The following SCAF4 variants were observed in gnomAD, a reference collection of about 807,000 sequenced individuals.
The protein encoded by SCAF4 is SR-related and CTD-associated factor 4.
In SCAF4, 25 loss-of-function variants were observed where a neutral mutation model predicts 129.8. The observed-to-expected ratio is 0.19, with a 90% CI of 0.14 to 0.27. The LOEUF (loss-of-function observed/expected upper bound fraction) is 0.27. Ranked by LOEUF, SCAF4 falls within the 10% of genes least tolerant of loss-of-function variation. The probability of loss-of-function intolerance (pLI) is 1.00; values close to 1 mark genes in which losing one functional copy is unlikely to be tolerated. For missense variants in SCAF4, 1,246 were observed against 1,457.1 expected (o/e 0.86, Z 2.36); for synonymous variants, 551 against 497.7 (o/e 1.11, Z -1.43).
chr21:31,706,211 A>G, intron 2 of SCAF4, 63 bp downstream of exon 2: 1 of 1,114,012 alleles, frequency 9.0e-7, no homozygotes, highest in Non-Finnish European at 1.3e-6. Flanking sequence ...TCTCATGTTT[A>G]AAAGTAATAA....
intron 14 of SCAF4, 23 bp from the exon 15 acceptor site, chr21:31,690,976 A>G: frequency 1.9e-6 from 3 of 1,588,750 alleles, no homozygotes; most frequent in South Asian, 1.1e-5. Context: ...TAGTGAAAAT[A>G]TAAAAAGAAA....
intron 14 of SCAF4, among the ~76,000 whole-genome samples, chr21:31,691,579 A>G (rs2050260606): frequency 6.6e-6 from 1 of 152,024 alleles, no homozygotes; most frequent in South Asian, 2.1e-4. Context: ...ACCCATCTAC[A>G]TTTAGGAAAA....
At chr21:31,675,201 A>G (rs58100536) in intron 19 of SCAF4, among the ~76,000 whole-genome samples, 5 of 152,336 alleles carry the variant, frequency 3.3e-5, no homozygotes, top group African/African-American at 1.2e-4. Context: ...AGCTAAAGAG[A>G]TAAGTCAGGG....
At position 31,671,725 on chromosome 21, in the gene SCAF4, G is replaced by A. The variant is rs202128594; in HGVS notation, c.3118C>T (p.Arg1040Trp). 31 of 1,613,932 alleles carry A rather than the reference G, an allele frequency of 1.9e-5. No individual in the cohort carries two copies. The highest frequency in any genetic ancestry group is 3.3e-5 in the South Asian group (3 of 91,076). Residue 1040 changes from arginine to tryptophan, a missense_variant, in exon 20 of 20, where the codon CGG becomes TGG. Around this residue, in one of 6 missense-constraint regions of SCAF4, gnomAD observed 339 missense variants for 325.0 expected, o/e 1.04. Coordinates refer to ENST00000286835, the MANE Select transcript of SCAF4 (RefSeq NM_020706.2). ...RREWGRRSPD[R>W]DRHRDLEERN... ...TCTTCCAAGTCTCTGTGCCTGTCCC[G>A]GTCAGGGCTCCTCCTTCCCCACTCT...
intron 1 of SCAF4, among the ~76,000 whole-genome samples, chr21:31,729,610 G>A (rs767797781): frequency 6.6e-6 from 1 of 152,150 alleles, no homozygotes; most frequent in South Asian, 2.1e-4. Flanking sequence ...AGAAATAGTT[G>A]AGAAGCACTA....
intron 9 of SCAF4, 80 bp from the exon 10 acceptor site, chr21:31,695,060 T>C: frequency 1.8e-6 from 2 of 1,140,996 alleles, no homozygotes; most frequent in Non-Finnish European, 2.5e-6. Context: ...AACTAAAATA[T>C]CCTCAATAAA....
In SCAF4 at chr21:31,671,050, G is replaced by GT. The variant is rs2049674281; in HGVS notation, c.*348dup. 1.0e-5 allele frequency: 2 copies of GT among 198,340 alleles called. No homozygotes were observed. The highest frequency in any genetic ancestry group is 2.5e-4 in the South Asian group (2 of 7,910). The allele number at this position is 198,340 out of a possible 1,614,324, so 12.3% of individuals were successfully genotyped here. A position where few individuals can be genotyped will look rare whatever the true frequency, so the allele number is the denominator to read the frequency against. On this transcript the variant is annotated 3_prime_UTR_variant, in exon 20 of 20. Transcript: ENST00000286835. ...CATTAAAGTTTGTTACGAAAATAGA[G>GT]TTTATTAAAAACATCCCTATTGTTT...
At chr21:31,707,726 A>G (rs1406047667) in intron 1 of SCAF4, among the ~76,000 whole-genome samples, 1 of 152,218 alleles carries the variant, frequency 6.6e-6, no homozygotes, top group African/African-American at 2.4e-5. Flanking sequence ...CTAGACCACT[A>G]GCTAAGAGGC....
At chr21:31,710,476 G>T (rs998837102) in intron 1 of SCAF4, among the ~76,000 whole-genome samples, 4 of 152,180 alleles carry the variant, frequency 2.6e-5, no homozygotes, top group African/African-American at 9.7e-5. Context: ...TTGAACTCAG[G>T]AGGCGAAGGT....
At position 31,702,231 on chromosome 21, in the gene SCAF4, C is replaced by T. The variant is rs372909466; in HGVS notation, c.457+13G>A. The T allele has an allele frequency of 1.8e-4, 291 of 1,613,850 alleles. No individual in the cohort carries two copies. Among genetic ancestry groups the T allele is most frequent in the Non-Finnish European group, 2.4e-4 (282 of 1,179,942 alleles). On this transcript the variant is annotated intron_variant, in intron 5 of 19. Transcript: ENST00000286835. Reference sequence around the variant, plus strand: ...ATACCATTGTGTGAGCTCACAGATACATCTGACCATACCTTCATTATTGGT... The same window carrying T: ...ATACCATTGTGTGAGCTCACAGATATATCTGACCATACCTTCATTATTGGT...
In SCAF4 at chr21:31,710,721, T is replaced by C. The variant is rs1312399583; in HGVS notation, c.31-4364A>G. Among the ~76,000 whole-genome samples, 3 of 152,212 alleles carry C rather than the reference T, an allele frequency of 2.0e-5. No homozygotes were observed. The East Asian group carries it at 5.8e-4, about 29-fold the overall frequency. On this transcript the variant is annotated intron_variant, in intron 1 of 19. Transcript: ENST00000286835. ...AAATGCTACAAGAGGTTAATCAGGA[T>C]GCAAAACAAATCTTGTTTATTTAGT...
chr21:31,728,254 C>CA (rs1568871646), intron 1 of SCAF4, among the ~76,000 whole-genome samples: 2 of 152,190 alleles, frequency 1.3e-5, no homozygotes. Context: ...TACAAACAAA[C>CA]GTACTGCCTA....
At position 31,685,693 on chromosome 21, in the gene SCAF4, A is replaced by G. The variant is rs1324850274; in HGVS notation, c.2084T>C (p.Leu695Pro). 4 of 1,611,252 alleles carry G rather than the reference A, an allele frequency of 2.5e-6. No individual in the cohort carries two copies. The South Asian group carries it at 4.4e-5, about 18-fold the overall frequency. Residue 695 changes from leucine (L) to proline (P), a missense_variant, in exon 17 of 20, where the codon CTC becomes CCC. Coordinates refer to ENST00000286835, the MANE Select transcript of SCAF4 (RefSeq NM_020706.2). ...HQPGPPVVGA[L>P]QPPAFTPPLG... The stretch of plus-strand genomic sequence containing the variant: ...AGGAGGCGTGAAAGCAGGCGGCTGG[A>G]GAGCACCAACTACAGGTGGACCCGG...
At chr21:31,693,235 C>CT (rs2050301688) in intron 12 of SCAF4, 59 bp downstream of exon 12, 1 of 1,244,658 alleles carries the variant, frequency 8.0e-7, no homozygotes, top group South Asian at 2.4e-5. Flanking sequence ...TTATAAAACA[C>CT]TTTAAACCCA....
In SCAF4 at chr21:31,715,822, C is replaced by CA. The variant is rs2050908143; in HGVS notation, c.31-9466dup. On this transcript the variant is annotated intron_variant, in intron 1 of 19. Transcript: ENST00000286835. The stretch of plus-strand genomic sequence containing the variant: ...GCTAAAATCCACTTAGCAATACTGT[C>CA]ATCCTGCCCATATTTTTCTAATTCA... Among the ~76,000 whole-genome samples the CA allele has an allele frequency of 3.9e-5, 6 of 152,318 alleles. No individual in the cohort carries two copies. In the South Asian group the frequency reaches 1.2e-3, roughly 32 times the overall value.
At chr21:31,717,904 T>TACACAC (rs35191665) in intron 1 of SCAF4, among the ~76,000 whole-genome samples, 2,393 of 117,938 alleles carry the variant, frequency 0.02, 36 homozygotes, top group Admixed American at 0.029. Flanking sequence ...TACACATATA[T>TACACAC]ACACACACAC....
intron 13 of SCAF4, 56 bp downstream of exon 13, chr21:31,692,292 TA>T (rs1278675301): frequency 1.5e-6 from 2 of 1,367,706 alleles, no homozygotes; most frequent in Non-Finnish European, 2.1e-6. Flanking sequence ...CTCCATTTCA[TA>T]AAATGACATT....
Position 31,728,725 on chromosome 21 carries a change from A to G in SCAF4, c.30+2938T>C, listed in dbSNP as rs549389304. 2.0e-4 allele frequency among the ~76,000 whole-genome samples: 31 copies of G among 151,800 alleles called. No individual in the cohort carries two copies. In the South Asian group the frequency reaches 6.5e-3, roughly 32 times the overall value. ...TTTCTCCCCCTTTCAATTTTCCCCCATCTTTCCCATCTGAACTCCTGGATG... is the reference window on the plus strand; with the variant it reads ...TTTCTCCCCCTTTCAATTTTCCCCCGTCTTTCCCATCTGAACTCCTGGATG... On this transcript the variant is annotated intron_variant, in intron 1 of 19. Coordinates refer to ENST00000286835, the MANE Select transcript of SCAF4 (RefSeq NM_020706.2).
At chr21:31,712,927 T>C (rs1744125664) in intron 1 of SCAF4, 1 of 944,274 alleles carries the variant, frequency 1.1e-6, no homozygotes, top group Non-Finnish European at 1.3e-6. Flanking sequence ...GCTTAATAAA[T>C]GTCTTGGTCT....
Sources: allele counts gnomAD v4.1 joint callset (sites outside exome capture counted in the v4.1 genomes callset), GRCh38; gene constraint gnomAD v4.1.1; regional missense constraint gnomAD v4.1.1; transcripts MANE v1.5; gene names NCBI Gene and HGNC (gene_info 2026-07-23, HGNC 2026-07-21).